The following CSMD1 variants were observed in gnomAD, a reference collection of about 807,000 sequenced individuals.
CSMD1 encodes CUB and Sushi multiple domains 1, also known as CUB and sushi domain-containing protein 1.
Under a neutral mutation model 417.5 loss-of-function variants are expected in CSMD1, and 213 were observed. The ratio of observed to expected loss-of-function variants is 0.51; its 90% CI spans 0.46 to 0.57. CSMD1 has a LOEUF of 0.57. Among genes scored for constraint, CSMD1 ranks in the 20% least tolerant of loss-of-function variants. CSMD1 has a pLI of 0.00. For synonymous variants in CSMD1, 2,862 were observed against 1,736.8 expected (o/e 1.65, Z -16.11); for missense variants, 6,923 against 4,529.7 (o/e 1.53, Z -15.17).
chr8:4,663,901 A>C (rs1017755653), intron 1 of CSMD1, among the ~76,000 whole-genome samples: 4 of 152,210 alleles, frequency 2.6e-5, no homozygotes, highest in Admixed American at 6.5e-5. Context: ...GGTTCTTCTC[A>C]AAATCCAGTG....
intron 26 of CSMD1, among the ~76,000 whole-genome samples, chr8:3,254,364 C>T (rs575711838): frequency 6.6e-6 from 1 of 152,074 alleles, no homozygotes; most frequent in South Asian, 2.1e-4. Flanking sequence ...TAGAGTTACT[C>T]TTCTCGAGGG....
rs916171303 is a variant in CSMD1, at chr8:4,894,525, C to A, written c.85+99807G>T. On this transcript the variant is annotated intron_variant, in intron 1 of 69. Coordinates refer to ENST00000635120, the MANE Select transcript of CSMD1 (RefSeq NM_033225.6). ...CCGAGATCGCACCATCGCATTCCAGCCTGGGGACAACAGCGAGAACTCATC... is the reference window on the plus strand; with the variant it reads ...CCGAGATCGCACCATCGCATTCCAGACTGGGGACAACAGCGAGAACTCATC... Among the ~76,000 whole-genome samples, 38 of 147,928 alleles carry A rather than the reference C, an allele frequency of 2.6e-4. 1 individual carries two copies. The highest frequency in any genetic ancestry group is 9.6e-4 in the African/African-American group (38 of 39,504).
At chr8:4,632,138 G>T (rs549642568) in intron 2 of CSMD1, among the ~76,000 whole-genome samples, 1 of 152,208 alleles carries the variant, frequency 6.6e-6, no homozygotes, top group East Asian at 1.9e-4. Flanking sequence ...TTAGGAGAGA[G>T]TTACATTAAG....
chr8:4,748,494 T>C (rs1321135505), intron 1 of CSMD1, among the ~76,000 whole-genome samples: 1 of 152,218 alleles, frequency 6.6e-6, no homozygotes, highest in Non-Finnish European at 1.5e-5. Flanking sequence ...GTGCGTCAGT[T>C]CCCATTCCTT....
chr8:3,508,244 G>C (rs139674123), intron 10 of CSMD1, among the ~76,000 whole-genome samples: 1 of 151,884 alleles, frequency 6.6e-6, no homozygotes. Context: ...CTTAAGTGGT[G>C]TCTGTGACAG....
At chr8:3,161,887 G>T (rs1034259170) in intron 38 of CSMD1, among the ~76,000 whole-genome samples, 2 of 152,116 alleles carry the variant, frequency 1.3e-5, no homozygotes, top group Non-Finnish European at 2.9e-5. Context: ...TTTGCCCCTA[G>T]AATGCTCTGT....
At chr8:3,388,924 C>CAG (rs1335150308) in intron 17 of CSMD1, among the ~76,000 whole-genome samples, 1 of 148,194 alleles carries the variant, frequency 6.7e-6, no homozygotes, top group African/African-American at 2.5e-5. Context: ...CACACACACA[C>CAG]ACACACACAC....
chr8:4,837,365 G>A (rs866596269), intron 1 of CSMD1, among the ~76,000 whole-genome samples: 1 of 152,120 alleles, frequency 6.6e-6, no homozygotes, highest in Non-Finnish European at 1.5e-5. Context: ...ATCAACAGAT[G>A]ATAAAGAAAA....
At position 4,677,072 on chromosome 8, in the gene CSMD1, GAT is replaced by G. The variant is rs567325572; in HGVS notation, c.86-39516_86-39515del. Among the ~76,000 whole-genome samples the G allele has an allele frequency of 2.2e-3, 318 of 143,710 alleles. 3 individuals carry two copies. Among genetic ancestry groups the G allele is most frequent in the African/African-American group, 7.7e-3 (305 of 39,578 alleles). 94.3% of individuals were successfully genotyped at this position (143,710 alleles called of 152,430 possible). ...TATATAGAATTATATATAGAGATAT[GAT>G]ATATATAGGGATATATATTATAATA... On this transcript the variant is annotated intron_variant, in intron 1 of 69. Coordinates refer to ENST00000635120, the MANE Select transcript of CSMD1 (RefSeq NM_033225.6).
At chr8:4,151,455 G>A (rs970988304) in intron 3 of CSMD1, among the ~76,000 whole-genome samples, 1 of 152,106 alleles carries the variant, frequency 6.6e-6, no homozygotes, top group African/African-American at 2.4e-5. Flanking sequence ...ATAAGATATT[G>A]AATCACCCAT....
intron 9 of CSMD1, among the ~76,000 whole-genome samples, chr8:3,580,701 G>C (rs1364759783): frequency 6.6e-6 from 1 of 152,110 alleles, no homozygotes; most frequent in Non-Finnish European, 1.5e-5. Context: ...AAAATTAACC[G>C]TGTGTTCTTC....
intron 5 of CSMD1, among the ~76,000 whole-genome samples, chr8:3,907,633 T>G (rs1236016610): frequency 1.3e-5 from 2 of 152,128 alleles, no homozygotes; most frequent in African/African-American, 4.8e-5. Flanking sequence ...GGCTCATTGA[T>G]GAGATGCCAC....
At chr8:4,628,115 G>GTA (rs1248542611) in intron 2 of CSMD1, among the ~76,000 whole-genome samples, 1 of 123,024 alleles carries the variant, frequency 8.1e-6, no homozygotes, top group Non-Finnish European at 1.8e-5. Flanking sequence ...ATATACTTCT[G>GTA]TGTGTGTGTA....
At chr8:2,984,665 A>T (rs1470438000) in intron 54 of CSMD1, among the ~76,000 whole-genome samples, 1 of 152,214 alleles carries the variant, frequency 6.6e-6, no homozygotes, top group East Asian at 1.9e-4. Context: ...TTACTTCATG[A>T]GTGCTGGATG....
intron 3 of CSMD1, among the ~76,000 whole-genome samples, chr8:4,299,530 C>A (rs1220475571): frequency 6.6e-6 from 1 of 152,114 alleles, no homozygotes; most frequent in African/African-American, 2.4e-5. Flanking sequence ...GAGTATATTG[C>A]AAAGAAAAAT....
chr8:3,948,036 T>C (rs1811355129), intron 5 of CSMD1, among the ~76,000 whole-genome samples: 2 of 152,052 alleles, frequency 1.3e-5, no homozygotes, highest in African/African-American at 4.8e-5. Context: ...TAAAACCCCG[T>C]CTCTACTAAA....
intron 3 of CSMD1, among the ~76,000 whole-genome samples, chr8:4,140,139 G>A (rs1585402496): frequency 1.3e-5 from 2 of 150,984 alleles, no homozygotes; most frequent in Non-Finnish European, 1.5e-5. Flanking sequence ...GATTCCTTGA[G>A]CCCAGGGGTT....
At chr8:3,498,307 G>A (rs1040492773) in intron 10 of CSMD1, among the ~76,000 whole-genome samples, 1 of 152,098 alleles carries the variant, frequency 6.6e-6, no homozygotes, top group Non-Finnish European at 1.5e-5. Flanking sequence ...GGTATATGTG[G>A]TACTTTGATA....
chr8:4,071,286 C>G (rs1585250524), intron 3 of CSMD1, among the ~76,000 whole-genome samples: 1 of 151,958 alleles, frequency 6.6e-6, no homozygotes, highest in Non-Finnish European at 1.5e-5. Flanking sequence ...TTTTTTCAGT[C>G]TTATTTTCTC....
Sources: gnomAD v4.1 joint callset for allele counts (sites outside exome capture counted in the v4.1 genomes callset) on GRCh38, gnomAD v4.1.1 for gene constraint, MANE v1.5 for transcripts, NCBI Gene and HGNC (gene_info 2026-07-23, HGNC 2026-07-21) for gene names.